The following IGSF11 variants were observed in gnomAD, a reference collection of about 807,000 sequenced individuals.
IGSF11 encodes the protein immunoglobulin superfamily member 11.
In IGSF11, 22 loss-of-function variants were observed where a neutral mutation model predicts 41.0. That is an observed-to-expected ratio of 0.54 (90% CI 0.38 to 0.77). The LOEUF is 0.77. Among genes scored for constraint, IGSF11 ranks in the 30% least tolerant of loss-of-function variants. IGSF11 has a pLI of 0.00. For synonymous variants in IGSF11, 219 were observed against 201.3 expected (o/e 1.09, Z -0.74); for missense variants, 444 against 530.8 (o/e 0.84, Z 1.61).
intron 1 of IGSF11, among the ~76,000 whole-genome samples, chr3:118,950,003 AG>A (rs1384920785): frequency 2.0e-5 from 3 of 152,240 alleles, no homozygotes; most frequent in African/African-American, 7.2e-5. Context: ...GGAGAGGGGA[AG>A]GAACAATTAC....
intron 1 of IGSF11, among the ~76,000 whole-genome samples, chr3:119,002,276 A>C (rs1267979249): frequency 6.8e-6 from 1 of 146,046 alleles, no homozygotes; most frequent in African/African-American, 2.6e-5. Context: ...TCTTCTTTTG[A>C]GAAGTGTCTG....
At chr3:118,921,459 A>C (rs1252919203) in intron 4 of IGSF11, among the ~76,000 whole-genome samples, 1 of 152,228 alleles carries the variant, frequency 6.6e-6, no homozygotes, top group Non-Finnish European at 1.5e-5. Flanking sequence ...GACTAAATAC[A>C]GAGTTTAAAA....
At chr3:119,076,898 AC>A (rs1295824340) in intron 1 of IGSF11, among the ~76,000 whole-genome samples, 1 of 152,176 alleles carries the variant, frequency 6.6e-6, no homozygotes, top group Non-Finnish European at 1.5e-5. Flanking sequence ...ATACCATTTG[AC>A]CCAGCGATCC....
At chr3:119,052,168 A>T (rs938514097) in intron 1 of IGSF11, among the ~76,000 whole-genome samples, 4 of 152,152 alleles carry the variant, frequency 2.6e-5, no homozygotes, top group Non-Finnish European at 5.9e-5. Context: ...AAAATGTACA[A>T]AAGATAAATG....
intron 1 of IGSF11, among the ~76,000 whole-genome samples, chr3:118,946,568 A>G: frequency 6.6e-6 from 1 of 152,178 alleles, no homozygotes; most frequent in East Asian, 1.9e-4. Context: ...CCTGAATAAG[A>G]CTGACATAGT....
Position 118,928,509 on chromosome 3 carries a change from C to T in IGSF11, c.424G>A (p.Val142Ile). The T allele has an allele frequency of 6.2e-7, 1 of 1,611,152 alleles. No individual in the cohort carries two copies. Among genetic ancestry groups the T allele is most frequent in the South Asian group, 1.1e-5 (1 of 90,982 alleles). ...NIGVTGLTVL[V>I]PPSAPHCQIQ... ...AGCCAAGGACTCTTGTGTCACTCAC[C>T]TAACACTGTGAGACCGGTGACCCCA... Residue 142 changes from valine to isoleucine, a missense_variant and splice_region_variant, in exon 3 of 7, where the codon GTT (valine) becomes ATT (isoleucine). By Grantham distance (29) the Val-to-Ile change is conservative (BLOSUM62 3). Around this residue, in one of 3 missense-constraint regions of IGSF11, gnomAD observed 193 missense variants for 283.5 expected, o/e 0.68. Coordinates refer to ENST00000393775, the MANE Select transcript of IGSF11 (RefSeq NM_001015887.3).
At chr3:119,123,869 G>C (rs911451507) in intron 1 of IGSF11, among the ~76,000 whole-genome samples, 1 of 152,128 alleles carries the variant, frequency 6.6e-6, no homozygotes, top group Non-Finnish European at 1.5e-5. Flanking sequence ...TGATTACAGG[G>C]AAAACCTTTC....
intron 1 of IGSF11, among the ~76,000 whole-genome samples, chr3:119,092,173 T>C (rs1165869065): frequency 6.6e-6 from 1 of 151,978 alleles, no homozygotes; most frequent in African/African-American, 2.4e-5. Flanking sequence ...CACCACGCCC[T>C]GTGTTCGCGC....
intron 1 of IGSF11, among the ~76,000 whole-genome samples, chr3:118,956,835 G>A (rs1313792644): frequency 6.6e-6 from 1 of 152,188 alleles, no homozygotes; most frequent in South Asian, 2.1e-4. Flanking sequence ...TGGGAAAACA[G>A]TGCTGATAGA....
At chr3:119,021,815 G>C (rs1263385418) in intron 1 of IGSF11, among the ~76,000 whole-genome samples, 1 of 151,966 alleles carries the variant, frequency 6.6e-6, no homozygotes, top group African/African-American at 2.4e-5. Context: ...TAGTAAAAGA[G>C]AAAAAAATTG....
chr3:119,068,921 T>TC (rs1553725150), intron 1 of IGSF11, among the ~76,000 whole-genome samples: 1 of 138,508 alleles, frequency 7.2e-6, no homozygotes, highest in Non-Finnish European at 1.5e-5. Context: ...ATTTTCTTTT[T>TC]TTTTTCTTTT....
intron 1 of IGSF11, among the ~76,000 whole-genome samples, chr3:119,028,961 G>C (rs1940098444): frequency 6.6e-6 from 1 of 151,974 alleles, no homozygotes; most frequent in African/African-American, 2.4e-5. Flanking sequence ...GGGAGGCTGA[G>C]TGAAGGGTGT....
At chr3:118,933,814 T>C (rs1943051579) in intron 1 of IGSF11, among the ~76,000 whole-genome samples, 1 of 152,154 alleles carries the variant, frequency 6.6e-6, no homozygotes, top group Admixed American at 6.6e-5. Flanking sequence ...AGAAACTCCT[T>C]CTACTTCCTG....
chr3:119,015,873 T>C (rs747279434), intron 1 of IGSF11, among the ~76,000 whole-genome samples: 1 of 152,092 alleles, frequency 6.6e-6, no homozygotes, highest in Non-Finnish European at 1.5e-5. Context: ...TTGGTGCGGG[T>C]AGGCATTACC....
rs568109881 is a variant in IGSF11 at position 119,083,978 on chromosome 3, A to T, written c.49+21166T>A. 6.6e-5 allele frequency among the ~76,000 whole-genome samples: 10 copies of T among 152,238 alleles called. No homozygotes were observed. In the South Asian group the frequency reaches 1.5e-3, roughly 22 times the overall value. On this transcript the variant is annotated intron_variant, in intron 1 of 6. Transcript: ENST00000354673. Reference sequence around the variant, plus strand: ...GCTCCCTGTGTGTTATTGCCCAAGGACCTTCCAGTGAGACAAAATATGGAG... The same window carrying T: ...GCTCCCTGTGTGTTATTGCCCAAGGTCCTTCCAGTGAGACAAAATATGGAG...
At chr3:118,968,235 G>A (rs9847272) in intron 1 of IGSF11, among the ~76,000 whole-genome samples, 8,431 of 152,222 alleles carry the variant, frequency 0.055, 775 homozygotes, top group African/African-American at 0.19. Context: ...ACCAACGCAC[G>A]ACTAGGGGAA....
chr3:118,928,498 G>A lies in IGSF11; in HGVS notation c.424+11C>T, dbSNP rs746494414. 2 of 1,609,098 alleles carry A rather than the reference G, an allele frequency of 1.2e-6. No individual in the cohort carries two copies. The highest frequency in any genetic ancestry group is 1.7e-6 in the Non-Finnish European group (2 of 1,176,980). On this transcript the variant is annotated intron_variant, in intron 3 of 6. Transcript: ENST00000393775. ...AAAGCCCGAACAGCCAAGGACTCTT[G>A]TGTCACTCACCTAACACTGTGAGAC...
rs559945984 is a variant in IGSF11 at position 118,986,011 on chromosome 3, C to T, written c.52+48520G>A. Among the ~76,000 whole-genome samples, 13 of 152,312 alleles carry T rather than the reference C, an allele frequency of 8.5e-5. No homozygotes were observed. In the East Asian group the frequency reaches 2.5e-3, roughly 29 times the overall value. ...CATGGGCTGGCCATTAACAGCTTCC[C>T]CTCCTGCCACTTGCCATGTCACAAA... On this transcript the variant is annotated intron_variant, in intron 1 of 6. Transcript: ENST00000393775.
intron 1 of IGSF11, among the ~76,000 whole-genome samples, chr3:118,971,205 G>A (rs75535755): frequency 0.034 from 5,232 of 152,252 alleles, 145 homozygotes; most frequent in East Asian, 0.085. Flanking sequence ...TATTTACAGG[G>A]GCAGAAAGCA....
Sources: allele counts gnomAD v4.1 joint callset (sites outside exome capture counted in the v4.1 genomes callset), GRCh38; gene constraint gnomAD v4.1.1; regional missense constraint gnomAD v4.1.1; transcripts MANE v1.5; gene names NCBI Gene and HGNC (gene_info 2026-07-23, HGNC 2026-07-21).